Variants in ATXN7 observed in about 807,000 individuals in gnomAD.
ATXN7 encodes the protein ataxin-7.
ATXN7 carries 12 observed loss-of-function variants against 70.5 expected under a neutral mutation model. That is an observed-to-expected ratio of 0.17 (90% CI 0.11 to 0.28). The LOEUF is 0.28. ATXN7 is among the 10% of genes least tolerant of loss of function. ATXN7 has a pLI of 1.00. For missense variants in ATXN7, 1,256 were observed against 1,131.7 expected, an observed-to-expected ratio of 1.11 and a Z score of -1.58; for synonymous variants, 498 against 448.7, an observed-to-expected ratio of 1.11 and a Z score of -1.39.
chr3:63,884,295 T>TG (rs1171263551), intron 1 of ATXN7, among the ~76,000 whole-genome samples: 1 of 150,658 alleles, frequency 6.6e-6, no homozygotes. Context: ...CACACAATGA[T>TG]GGGGTGTGTC....
intron 1 of ATXN7, among the ~76,000 whole-genome samples, chr3:63,888,235 TG>T (rs1370730385): frequency 6.6e-6 from 1 of 152,182 alleles, no homozygotes; most frequent in African/African-American, 2.4e-5. Context: ...TAATTCAACA[TG>T]GTTTTGGCTA....
chr3:63,936,225 C>T (rs938526028), intron 4 of ATXN7, among the ~76,000 whole-genome samples: 1 of 152,088 alleles, frequency 6.6e-6, no homozygotes, highest in Admixed American at 6.6e-5. Context: ...ATCACATTGT[C>T]CTGTGATTCC....
At chr3:63,937,835 C>T (rs1045328579) in intron 4 of ATXN7, among the ~76,000 whole-genome samples, 12 of 152,074 alleles carry the variant, frequency 7.9e-5, no homozygotes, top group African/African-American at 2.7e-4. Context: ...CTTAATCTTG[C>T]GGTGCCTGCC....
rs1297320469 is a variant in ATXN7 at position 63,916,971 on chromosome 3, TG to T, written c.394+3748del. Among the ~76,000 whole-genome samples, 8 of 152,254 alleles carry T rather than the reference TG, an allele frequency of 5.3e-5. No individual in the cohort carries two copies. In the East Asian group the frequency reaches 1.5e-3, roughly 29 times the overall value. On this transcript the variant is annotated intron_variant, in intron 4 of 12. Transcript: ENST00000674280. Reference sequence around the variant, plus strand: ...CTGTGTCGCCCAGGCTGGAGTGCAATGGTACAGGCACGATCTGTGCTCACTG... The same window carrying T: ...CTGTGTCGCCCAGGCTGGAGTGCAATGTACAGGCACGATCTGTGCTCACTG...
intron 5 of ATXN7, among the ~76,000 whole-genome samples, chr3:63,961,071 T>C (rs1028709617): frequency 6.6e-6 from 1 of 152,194 alleles, no homozygotes; most frequent in African/African-American, 2.4e-5. Context: ...AGGATAAGTA[T>C]GCAATCAGAC....
Position 63,898,384 on chromosome 3 carries a change from T to C in ATXN7, c.-110-15T>C, listed in dbSNP as rs960905185. The C allele has an allele frequency of 2.0e-5, 3 of 152,246 alleles. No individual in the cohort carries two copies. The highest frequency in any genetic ancestry group is 6.5e-5 in the Admixed American group (1 of 15,286). The allele number at this position is 152,246 out of a possible 1,614,324, so 9.4% of individuals were successfully genotyped here. ...TCCACTGTTTCATCCATTTGCCTTTTTTCTGTTTTTGCAGATCTGAACAGA... is the reference window on the plus strand; with the variant it reads ...TCCACTGTTTCATCCATTTGCCTTTCTTCTGTTTTTGCAGATCTGAACAGA... On this transcript the variant is annotated splice_polypyrimidine_tract_variant and intron_variant, in intron 1 of 12. Transcript: ENST00000674280.
At chr3:63,892,844 C>G (rs1703326094) in intron 1 of ATXN7, among the ~76,000 whole-genome samples, 1 of 152,182 alleles carries the variant, frequency 6.6e-6, no homozygotes, top group Admixed American at 6.5e-5. Flanking sequence ...CTCCAGGAAG[C>G]CCACCTAGGG....
rs1342601181 is a variant in ATXN7 at position 64,000,229 on chromosome 3, TAAG to T, written c.*768_*770del. 1 of 122,546 alleles carries T rather than the reference TAAG, an allele frequency of 8.2e-6. No homozygotes were observed. The highest frequency in any genetic ancestry group is 2.3e-4 in the East Asian group (1 of 4,374). 7.6% of individuals were successfully genotyped at this position (122,546 alleles called of 1,614,324 possible). ...AGCAATTCTGTGTGATTTTTTTTTT[TAAG>T]AAGAAAGAAAATGCAAGCTAGTTTT... is the stretch of plus-strand genomic sequence containing the variant. On this transcript the variant is annotated 3_prime_UTR_variant, in exon 13 of 13. Transcript: ENST00000674280.
chr3:63,970,845 C>G (rs903146334), intron 5 of ATXN7, among the ~76,000 whole-genome samples: 2 of 152,124 alleles, frequency 1.3e-5, no homozygotes, highest in Non-Finnish European at 2.9e-5. Flanking sequence ...GCGCGCTCTG[C>G]CCAGAGACGT....
At chr3:63,964,523 T>A (rs2075186896) in intron 5 of ATXN7, among the ~76,000 whole-genome samples, 1 of 152,248 alleles carries the variant, frequency 6.6e-6, no homozygotes, top group Non-Finnish European at 1.5e-5. Flanking sequence ...ACTCAAAGCC[T>A]GTGTAAATCA....
chr3:63,879,776 C>A (rs564016009), intron 1 of ATXN7, among the ~76,000 whole-genome samples: 1 of 152,106 alleles, frequency 6.6e-6, no homozygotes, highest in South Asian at 2.1e-4. Context: ...CTTATTCCAC[C>A]GATCTAGAAA....
At chr3:63,933,679 G>A (rs554323456) in intron 4 of ATXN7, among the ~76,000 whole-genome samples, 3 of 152,088 alleles carry the variant, frequency 2.0e-5, no homozygotes, top group South Asian at 4.1e-4. Flanking sequence ...CTTTTCTTTT[G>A]CAAAAAAGGG....
chr3:63,865,925 A>AG (rs1702409799), intron 1 of ATXN7, among the ~76,000 whole-genome samples: 9 of 147,038 alleles, frequency 6.1e-5, no homozygotes, highest in Non-Finnish European at 1.2e-4. Flanking sequence ...AAAAAAAAAA[A>AG]GAAAGTAATT....
chr3:63,999,581 T>A lies in ATXN7; in HGVS notation c.*114T>A. 1 of 1,557,316 alleles carries A rather than the reference T, an allele frequency of 6.4e-7. No homozygotes were observed. Among genetic ancestry groups the A allele is most frequent in the East Asian group, 2.4e-5 (1 of 42,306 alleles). On this transcript the variant is annotated 3_prime_UTR_variant, in exon 13 of 13. Transcript: ENST00000674280. Reference sequence around the variant, plus strand: ...TTGAGTCTGTTTTCCCAACCTCCTGTGGGCCTCAAGGGTAGAAACCTGCCG... The same window carrying A: ...TTGAGTCTGTTTTCCCAACCTCCTGAGGGCCTCAAGGGTAGAAACCTGCCG...
intron 1 of ATXN7, among the ~76,000 whole-genome samples, chr3:63,871,616 G>A (rs1250886322): frequency 2.6e-5 from 4 of 151,930 alleles, no homozygotes; most frequent in Non-Finnish European, 5.9e-5. Context: ...TCCATGTAGT[G>A]GAATATGCTG....
At chr3:63,921,188 C>G (rs901240864) in intron 4 of ATXN7, among the ~76,000 whole-genome samples, 3 of 152,074 alleles carry the variant, frequency 2.0e-5, no homozygotes, top group African/African-American at 7.2e-5. Context: ...GTTTTTTTCT[C>G]TTATATGTAA....
intron 5 of ATXN7, among the ~76,000 whole-genome samples, chr3:63,960,179 C>T (rs1056277210): frequency 4.6e-5 from 7 of 152,188 alleles, no homozygotes; most frequent in Non-Finnish European, 8.8e-5. Context: ...ATGTAGAGGA[C>T]AAGTGCTTCA....
intron 5 of ATXN7, among the ~76,000 whole-genome samples, chr3:63,957,019 C>T (rs1462820843): frequency 6.6e-6 from 1 of 152,162 alleles, no homozygotes. Flanking sequence ...TGTAGTACTA[C>T]TTACATGCAT....
Position 63,982,308 on chromosome 3 carries a change from G to T in ATXN7, c.875G>T (p.Cys292Phe). 1 of 1,614,148 alleles carries T rather than the reference G, an allele frequency of 6.2e-7. No individual in the cohort carries two copies. Residue 292 changes from cysteine to phenylalanine, a missense_variant, in exon 7 of 13, where the codon TGC becomes TTC. By Grantham distance (205) the Cys-to-Phe change is radical. Coordinates refer to ENST00000674280, the MANE Select transcript of ATXN7 (RefSeq NM_001377405.1). ...VSSLVKPGLN[C>F]PSIPKPTLPS... ...TCCTTAGTCAAGCCTGGCCTTAACTGCCCCTCAATACCAAAGCCAACCTTG... is the reference window on the plus strand; with the variant it reads ...TCCTTAGTCAAGCCTGGCCTTAACTTCCCCTCAATACCAAAGCCAACCTTG...
Sources: gnomAD v4.1 joint callset for allele counts (sites outside exome capture counted in the v4.1 genomes callset) on GRCh38, gnomAD v4.1.1 for gene constraint, MANE v1.5 for transcripts, NCBI Gene and HGNC (gene_info 2026-07-23, HGNC 2026-07-21) for gene names.